The following DACT2 variants were observed in gnomAD, a reference collection of about 807,000 sequenced individuals.
DACT2 encodes dishevelled binding antagonist of beta catenin 2.
Under a neutral mutation model 22.2 loss-of-function variants are expected in DACT2, and 20 were observed. The observed-to-expected ratio is 0.90, with a 90% confidence interval of 0.63 to 1.31. DACT2 has a LOEUF of 1.31. Among genes scored for constraint, DACT2 ranks in the 50% most tolerant of loss-of-function variants. The pLI is 0.00. For synonymous variants in DACT2, 463 were observed against 479.8 expected, an observed-to-expected ratio of 0.96 and a Z score of 0.46; for missense variants, 1,048 against 1,061.4, an observed-to-expected ratio of 0.99 and a Z score of 0.18.
rs1431459784 is a variant in DACT2, at chr6:168,319,504, G to C, written c.130C>G (p.Arg44Gly). The C allele has an allele frequency of 3.0e-6, 4 of 1,320,182 alleles. No homozygotes were observed. The highest frequency in any genetic ancestry group is 6.7e-5 in the East Asian group (2 of 29,678). The allele number at this position is 1,320,182 out of a possible 1,614,324, so 81.8% of individuals were successfully genotyped here. ...GLRATQQERV[R>G]GALALQPPPA... Reference sequence around the variant, plus strand: ...GGGGGCTGCAGGGCCAGGGCGCCCCGTACCCGCTCCTGCTGCGTGGCTCGC... The same window carrying C: ...GGGGGCTGCAGGGCCAGGGCGCCCCCTACCCGCTCCTGCTGCGTGGCTCGC... The change falls in exon 1 of 4, where the codon CGG (arginine) becomes GGG (glycine). Residue 44 changes from arginine (R) to glycine (G), a missense_variant. Physicochemically the swap from Arg to Gly is moderately radical, Grantham distance 125. Transcript: ENST00000366795.
chr6:168,296,631 C>T (rs1036821580), intron 3 of DACT2, among the ~76,000 whole-genome samples: 1 of 152,196 alleles, frequency 6.6e-6, no homozygotes, highest in Non-Finnish European at 1.5e-5. Flanking sequence ...GAATCAGCAG[C>T]AGAGCTCTCC....
chr6:168,302,598 T>A (rs1779130073), downstream of DACT2, among the ~76,000 whole-genome samples: 1 of 152,174 alleles, frequency 6.6e-6, no homozygotes, highest in Non-Finnish European at 1.5e-5. Flanking sequence ...TTAGTGGGAT[T>A]CAGGAGCCCA....
chr6:168,304,106 G>A (rs1037493063), downstream of DACT2, among the ~76,000 whole-genome samples: 2 of 152,198 alleles, frequency 1.3e-5, no homozygotes, highest in Non-Finnish European at 2.9e-5. Context: ...TTGAGAGAGA[G>A]GGAAACAGCT....
intron 4 of DACT2, chr6:168,294,200 A>G: frequency 1.4e-6 from 1 of 702,952 alleles, no homozygotes; most frequent in African/African-American, 1.7e-5. Context: ...ACCTACACCT[A>G]ACACAGAGAG....
downstream of DACT2, among the ~76,000 whole-genome samples, chr6:168,305,058 G>C (rs1342369886): frequency 1.3e-5 from 2 of 152,224 alleles, no homozygotes; most frequent in African/African-American, 4.8e-5. Context: ...GAGAGCATGA[G>C]AGAGGGAGAG....
At chr6:168,315,054 T>C (rs1779511859) in intron 1 of DACT2, among the ~76,000 whole-genome samples, 1 of 152,148 alleles carries the variant, frequency 6.6e-6, no homozygotes, top group African/African-American at 2.4e-5. Flanking sequence ...CCAGGCATCA[T>C]GTTGATGCGG....
Position 168,307,147 on chromosome 6 carries a change from A to C in DACT2, c.*285T>G. ...GGATGACAACATGGAAACAAGGTGC[A>C]TGCCGGGAAGCAGCATCCTGGGCAG... On this transcript the variant is annotated 3_prime_UTR_variant, in exon 4 of 4. Coordinates refer to ENST00000366795, the MANE Select transcript of DACT2 (RefSeq NM_214462.5). The surrounding 1 kb of genome is among the most constrained non-coding windows in gnomAD (Gnocchi z 5.3). 8.0e-7 allele frequency: 1 copy of C among 1,242,998 alleles called. No homozygotes were observed. The allele number at this position is 1,242,998 out of a possible 1,614,324, so 77.0% of individuals were successfully genotyped here. A position where few individuals can be genotyped will look rare whatever the true frequency, so the allele number is the denominator to read the frequency against.
intron 3 of DACT2, chr6:168,300,708 C>A (rs1229677651): frequency 6.6e-6 from 1 of 152,102 alleles, no homozygotes; most frequent in African/African-American, 2.4e-5. Context: ...AACTCTCAGC[C>A]GGGTGTGGTG....
rs574254026 is a variant in DACT2, at chr6:168,310,237, T to C, written c.589A>G (p.Arg197Gly). 7.6e-5 allele frequency: 118 copies of C among 1,551,194 alleles called. 1 individual carries two copies. In the East Asian group the frequency reaches 2.9e-3, roughly 38 times the overall value. Residue 197 changes from arginine (R) to glycine (G), a missense_variant, in exon 3 of 4, where the codon AGG becomes GGG. Arg to Gly is a moderately radical substitution (Grantham distance 125). Coordinates refer to ENST00000366795, the MANE Select transcript of DACT2 (RefSeq NM_214462.5). ...GCATCCTCCACGCTCCCTGGGGGCC[T>C]GGCGCCCTCCTCGGTAGCCTGGGGT... The part of the protein sequence containing the change: ...WRPQATEEGA[R>G]PPGSVEDAGQ...
intron 4 of DACT2, among the ~76,000 whole-genome samples, chr6:168,294,365 C>G (rs1405110638): frequency 6.6e-6 from 1 of 151,726 alleles, no homozygotes; most frequent in South Asian, 2.1e-4. Flanking sequence ...TACCTGTCAG[C>G]GAGCTGGAGG....
Position 168,308,322 on chromosome 6 carries a change from C to G in DACT2, c.1435G>C (p.Ala479Pro), listed in dbSNP as rs1435247356. ...AGGCTGGCAGCAAAGGATGGGTGGGCAAAGTGCCCAGAGGCCGGTGAGGGG... is the reference window on the plus strand; with the variant it reads ...AGGCTGGCAGCAAAGGATGGGTGGGGAAAGTGCCCAGAGGCCGGTGAGGGG... ...KSPSPASGHF[A>P]HPSFAASLKM... Residue 479 changes from alanine (A) to proline (P), a missense_variant, in exon 4 of 4, where the codon GCC (alanine) becomes CCC (proline). Transcript: ENST00000366795. 1 of 1,552,020 alleles carries G rather than the reference C, an allele frequency of 6.4e-7. No individual in the cohort carries two copies.
intron 1 of DACT2, among the ~76,000 whole-genome samples, chr6:168,313,575 T>C (rs1348747179): frequency 1.3e-5 from 2 of 152,148 alleles, no homozygotes; most frequent in Non-Finnish European, 2.9e-5. Flanking sequence ...GAAGCCTGGA[T>C]CCAAACAAAG....
At position 168,307,266 on chromosome 6, in the gene DACT2, GC is replaced by G. The variant is rs3832456; in HGVS notation, c.*165del. 195,212 of 1,436,328 alleles carry G rather than the reference GC, an allele frequency of 0.14. 15,329 individuals are homozygous for G. The highest frequency in any genetic ancestry group is 0.34 in the African/African-American group (23,341 of 69,312). 89.0% of individuals were successfully genotyped at this position (1,436,328 alleles called of 1,614,324 possible). On this transcript the variant is annotated 3_prime_UTR_variant, in exon 4 of 4. Coordinates refer to ENST00000366795, the MANE Select transcript of DACT2 (RefSeq NM_214462.5). This position sits in a 1 kb window ranked among gnomAD's most constrained non-coding sequence, Gnocchi z 5.3. Reference sequence around the variant, plus strand: ...GTCTTTGCTGGGGCGGGGACTCACGGCCATACTCCACAGGGCAGAACCCATC... The same window carrying G: ...GTCTTTGCTGGGGCGGGGACTCACGGCATACTCCACAGGGCAGAACCCATC...
At chr6:168,305,663 G>A (rs537718579), downstream of DACT2, among the ~76,000 whole-genome samples, 38 of 152,312 alleles carry the variant, frequency 2.5e-4, no homozygotes, top group Admixed American at 1.0e-3. Context: ...CAGTGAGGAC[G>A]AGGACTCAGG....
intron 3 of DACT2, chr6:168,298,272 T>C (rs1391774324): frequency 6.6e-6 from 1 of 152,242 alleles, no homozygotes; most frequent in African/African-American, 2.4e-5. Context: ...ACATTACTTA[T>C]TGTTTGAAAA....
intron 3 of DACT2, chr6:168,298,897 C>T (rs1200951341): frequency 6.6e-6 from 1 of 152,010 alleles, no homozygotes; most frequent in Non-Finnish European, 1.5e-5. Flanking sequence ...ATAAAATACC[C>T]ACAATATCTA....
chr6:168,308,014 C>G lies in DACT2; in HGVS notation c.1743G>C (p.Glu581Asp). The G allele has an allele frequency of 6.4e-7, 1 of 1,550,470 alleles. No individual in the cohort carries two copies. The highest frequency in any genetic ancestry group is 1.2e-5 in the South Asian group (1 of 83,852). ...VLVPLAVAPQ[E>D]SHRTSAQALF... ...GGGCTTGGGCTGAGGTCCGGTGGCT[C>G]TCCTGCGGGGCCACTGCCAAGGGGA... is the stretch of plus-strand genomic sequence containing the variant. The change falls in exon 4 of 4, where the codon GAG becomes GAC. Residue 581 changes from glutamate to aspartate, a missense_variant. Glu to Asp is a conservative substitution (Grantham distance 45). Transcript: ENST00000366795.
At chr6:168,319,265 C>A (rs914052332) in intron 1 of DACT2, 123 bp downstream of exon 1, 18 of 944,992 alleles carry the variant, frequency 1.9e-5, no homozygotes, top group Non-Finnish European at 2.4e-5. Context: ...CCATTCAAAT[C>A]CCAAAGGACG....
intron 1 of DACT2, among the ~76,000 whole-genome samples, chr6:168,314,674 C>T (rs534045664): frequency 4.1e-4 from 63 of 152,296 alleles, no homozygotes; most frequent in African/African-American, 1.3e-3. Context: ...AACACCTTTA[C>T]GGCACATGTG....
Sources: allele counts gnomAD v4.1 joint callset (sites outside exome capture counted in the v4.1 genomes callset), GRCh38; gene constraint gnomAD v4.1.1; non-coding constraint Gnocchi (gnomAD v3.1); transcripts MANE v1.5; gene names NCBI Gene and HGNC (gene_info 2026-07-23, HGNC 2026-07-21).